The following MAP3K20 variants were observed in gnomAD, a reference collection of about 807,000 sequenced individuals.
MAP3K20 encodes mitogen-activated protein kinase kinase kinase 20, also known as HCCS-4.
In MAP3K20, 40 loss-of-function variants were observed where a neutral mutation model predicts 85.7. The ratio of observed to expected loss-of-function variants is 0.47; its 90% CI spans 0.36 to 0.61. The LOEUF is 0.61. Ranked by LOEUF, MAP3K20 falls within the 20% of genes least tolerant of loss-of-function variation. The pLI is 0.00. For synonymous variants in MAP3K20, 325 were observed against 327.7 expected (o/e 0.99, Z 0.09); for missense variants, 817 against 961.7 (o/e 0.85, Z 1.99).
At chr2:173,106,926 T>C (rs1033672350) in intron 2 of MAP3K20, among the ~76,000 whole-genome samples, 3 of 151,982 alleles carry the variant, frequency 2.0e-5, no homozygotes, top group Admixed American at 1.3e-4. Context: ...CCAAAGGAAT[T>C]TGTGACTGCG....
chr2:173,186,549 TAGA>T (rs1467150221), intron 4 of MAP3K20, among the ~76,000 whole-genome samples: 2 of 2,108 alleles, frequency 9.5e-4, no homozygotes, highest in African/African-American at 1.0e-3. Flanking sequence ...ATAATTAAAA[TAGA>T]AGAATAAAGA....
chr2:173,088,398 A>G (rs1373803737), intron 1 of MAP3K20, among the ~76,000 whole-genome samples: 10 of 152,216 alleles, frequency 6.6e-5, no homozygotes, highest in Admixed American at 5.2e-4. Context: ...ATGGAGGTAG[A>G]GGGTGATATA....
At chr2:173,120,885 A>T (rs1033258428) in intron 2 of MAP3K20, among the ~76,000 whole-genome samples, 2 of 150,884 alleles carry the variant, frequency 1.3e-5, no homozygotes, top group African/African-American at 2.4e-5. Flanking sequence ...ATTTTTTTGT[A>T]TTTTAGTAGA....
intron 2 of MAP3K20, among the ~76,000 whole-genome samples, chr2:173,167,013 C>T (rs1481826376): frequency 1.3e-5 from 2 of 149,450 alleles, no homozygotes; most frequent in African/African-American, 2.5e-5. Context: ...CCCGGGTTCA[C>T]GCCATTCTCC....
chr2:173,090,649 C>G (rs1246793739), intron 1 of MAP3K20: 1 of 995,432 alleles, frequency 1.0e-6, no homozygotes, highest in East Asian at 1.1e-4. Context: ...GCATGCTTCC[C>G]GTCTGTCAGG....
chr2:173,239,448 C>A lies in MAP3K20; in HGVS notation c.1311C>A (p.Asn437Lys), dbSNP rs746396713. ...AAGAAAATGAGGAAAAAATAGTGAA[C>A]CTGGAACTGGTTTTTGGTTTTCACT... ...EPEENEEKIV[N>K]LELVFGFHLK... The change falls in exon 16 of 20, where the codon AAC (asparagine) becomes AAA (lysine). Residue 437 changes from asparagine (N) to lysine (K), a missense_variant. Around this residue, in one of 4 missense-constraint regions of MAP3K20, gnomAD observed 454 missense variants for 476.9 expected, o/e 0.95. Coordinates refer to ENST00000375213, the MANE Select transcript of MAP3K20 (RefSeq NM_016653.3). 3.7e-6 allele frequency: 6 copies of A among 1,613,424 alleles called. No individual in the cohort carries two copies. The highest frequency in any genetic ancestry group is 3.3e-5 in the South Asian group (3 of 90,934).
intron 2 of MAP3K20, among the ~76,000 whole-genome samples, chr2:173,163,448 G>A (rs1689722503): frequency 6.6e-6 from 1 of 152,140 alleles, no homozygotes; most frequent in African/African-American, 2.4e-5. Context: ...TTCTGCAAAG[G>A]ACATAATCTT....
At chr2:173,118,668 C>G (rs1265163928) in intron 2 of MAP3K20, among the ~76,000 whole-genome samples, 1 of 152,152 alleles carries the variant, frequency 6.6e-6, no homozygotes. Context: ...AGGAGATTTC[C>G]TGAATTCTTT....
chr2:173,210,538 C>T (rs1484676414), intron 10 of MAP3K20: 1 of 152,090 alleles, frequency 6.6e-6, no homozygotes, highest in East Asian at 1.9e-4. Flanking sequence ...CAAAAATACT[C>T]TTAAAAGAAA....
chr2:173,265,098 G>A (rs902153202), intron 19 of MAP3K20, among the ~76,000 whole-genome samples: 22 of 152,204 alleles, frequency 1.4e-4, no homozygotes, highest in East Asian at 3.8e-4. Flanking sequence ...GGAGTCTCTG[G>A]AATTGTCTGG....
Position 173,179,169 on chromosome 2 carries a change from G to A in MAP3K20, c.248-3685G>A, listed in dbSNP as rs868353894. Among the ~76,000 whole-genome samples, 6 of 152,010 alleles carry A rather than the reference G, an allele frequency of 3.9e-5. No individual in the cohort carries two copies. In the East Asian group the frequency reaches 5.8e-4, roughly 15 times the overall value. Reference sequence around the variant, plus strand: ...AGCACTTTGGGAGGCCGAGGTGGGCGGATCACAAGGTCAGGAGATTGAGAC... The same window carrying A: ...AGCACTTTGGGAGGCCGAGGTGGGCAGATCACAAGGTCAGGAGATTGAGAC... On this transcript the variant is annotated intron_variant, in intron 3 of 19. Transcript: ENST00000375213.
chr2:173,165,819 G>A (rs1689803102), intron 2 of MAP3K20, among the ~76,000 whole-genome samples: 1 of 152,096 alleles, frequency 6.6e-6, no homozygotes, highest in African/African-American at 2.4e-5. Flanking sequence ...CCACAGGCAT[G>A]TGCCAGAACA....
chr2:173,215,307 G>A (rs141017874), intron 10 of MAP3K20, among the ~76,000 whole-genome samples: 111 of 152,262 alleles, frequency 7.3e-4, no homozygotes, highest in Admixed American at 3.9e-3. Flanking sequence ...CCTTCTGACC[G>A]CCTCACTGAC....
At chr2:173,207,957 G>A (rs902362968) in intron 9 of MAP3K20, among the ~76,000 whole-genome samples, 5 of 152,072 alleles carry the variant, frequency 3.3e-5, no homozygotes, top group Non-Finnish European at 5.9e-5. Context: ...AGGGATGCTG[G>A]TCATCCAATT....
chr2:173,229,062 TG>T (rs1174855592), intron 11 of MAP3K20, among the ~76,000 whole-genome samples: 1 of 152,220 alleles, frequency 6.6e-6, no homozygotes, highest in Non-Finnish European at 1.5e-5. Context: ...CTGAAAATGG[TG>T]CAGGCTGAAG....
chr2:173,226,552 TC>T, intron 11 of MAP3K20: 2 of 985,860 alleles, frequency 2.0e-6, no homozygotes, highest in Non-Finnish European at 2.4e-6. Context: ...ATACAGCATT[TC>T]TATGATGAAA....
At chr2:173,201,052 C>T (rs913778139) in intron 8 of MAP3K20, among the ~76,000 whole-genome samples, 4 of 152,162 alleles carry the variant, frequency 2.6e-5, no homozygotes, top group South Asian at 2.1e-4. Context: ...TTGAGATTGG[C>T]GCATTACTCT....
intron 7 of MAP3K20, among the ~76,000 whole-genome samples, chr2:173,193,756 A>G (rs918345885): frequency 6.6e-6 from 1 of 152,202 alleles, no homozygotes; most frequent in Non-Finnish European, 1.5e-5. Flanking sequence ...CTTTTCACTT[A>G]AGAAACTATG....
intron 3 of MAP3K20, among the ~76,000 whole-genome samples, chr2:173,177,918 ACT>A (rs1407463385): frequency 6.6e-6 from 1 of 152,180 alleles, no homozygotes; most frequent in Non-Finnish European, 1.5e-5. Context: ...ACCTGAAGAA[ACT>A]ACAGAAAGAA....
Sources: gnomAD v4.1 joint callset for allele counts (sites outside exome capture counted in the v4.1 genomes callset) on GRCh38, gnomAD v4.1.1 for gene constraint, gnomAD v4.1.1 regional missense constraint, MANE v1.5 for transcripts, NCBI Gene and HGNC (gene_info 2026-07-23, HGNC 2026-07-21) for gene names.